The following FRY variants were observed in gnomAD, a reference collection of about 807,000 sequenced individuals.
FRY encodes protein furry homolog.
A neutral mutation model predicts 348.4 loss-of-function variants in FRY; 128 were observed. That is an observed-to-expected ratio of 0.37 (90% confidence interval 0.32 to 0.43). The LOEUF (loss-of-function observed/expected upper bound fraction) is 0.43. Ranked by LOEUF, FRY falls within the 20% of genes least tolerant of loss-of-function variation. FRY has a pLI of 1.00. For synonymous variants in FRY, 1,370 were observed against 1,374.7 expected, an observed-to-expected ratio of 1.00 and a Z score of 0.08; for missense variants, 2,736 against 3,695.2, an observed-to-expected ratio of 0.74 and a Z score of 6.73.
At chr13:32,186,171 G>A in intron 26 of FRY, 89 bp from the exon 27 acceptor site, 1 of 1,009,186 alleles carries the variant, frequency 9.9e-7, no homozygotes, top group Non-Finnish European at 1.6e-6. Context: ...AAATGAAGTG[G>A]TTCCTTTCCT....
chr13:32,092,016 A>G (rs1593602644), intron 2 of FRY, among the ~76,000 whole-genome samples: 1 of 152,222 alleles, frequency 6.6e-6, no homozygotes, highest in Non-Finnish European at 1.5e-5. Context: ...ATAATCTCAT[A>G]TTAACTCCAA....
At chr13:32,144,838 T>G (rs1466191148) in intron 11 of FRY, among the ~76,000 whole-genome samples, 1 of 152,198 alleles carries the variant, frequency 6.6e-6, no homozygotes, top group Non-Finnish European at 1.5e-5. Context: ...AACTGATGTT[T>G]AAACAAGATC....
chr13:32,238,113 T>C, intron 44 of FRY, 127 bp downstream of exon 44: 1 of 978,064 alleles, frequency 1.0e-6, no homozygotes, highest in East Asian at 2.5e-5. Context: ...TGGGAGTAGT[T>C]TATTTTTTCT....
In FRY at chr13:32,208,880, A is replaced by G; in HGVS notation, c.4046A>G (p.His1349Arg). The part of the protein sequence containing the change: ...SEVSQRFPTT[H>R]PNGRQIMLTY... ...GTAAGCCAGCGATTCCCCACAACACACCCCAACGGGCGCCAGATCATGCTT... is the reference window on the plus strand; with the variant it reads ...GTAAGCCAGCGATTCCCCACAACACGCCCCAACGGGCGCCAGATCATGCTT... Residue 1349 changes from histidine (H) to arginine (R), a missense_variant, in exon 32 of 61, where the codon CAC (histidine) becomes CGC (arginine). By Grantham distance (29) the His-to-Arg change is conservative. Around this residue, in one of 9 missense-constraint regions of FRY, gnomAD observed 794 missense variants for 977.0 expected, o/e 0.81. Transcript: ENST00000542859. 6.2e-7 allele frequency: 1 copy of G among 1,613,980 alleles called. No homozygotes were observed. The highest frequency in any genetic ancestry group is 8.5e-7 in the Non-Finnish European group (1 of 1,179,988).
Position 32,117,932 on chromosome 13 carries a change from T to C in FRY, c.464+459T>C, listed in dbSNP as rs527328959. 3.9e-5 allele frequency among the ~76,000 whole-genome samples: 6 copies of C among 152,294 alleles called. No individual in the cohort carries two copies. The South Asian group carries it at 1.2e-3, about 32-fold the overall frequency. ...GCTGCCACTATTTAGCCATGTGACT[T>C]TGGGCAGCTCCCCGCCTCTCTGTAC... On this transcript the variant is annotated intron_variant, in intron 4 of 60. Transcript: ENST00000542859.
intron 2 of FRY, among the ~76,000 whole-genome samples, chr13:32,093,411 C>G (rs1876468092): frequency 6.6e-6 from 1 of 152,144 alleles, no homozygotes; most frequent in East Asian, 1.9e-4. Context: ...TTTTTTTACC[C>G]TCTCAAAACT....
rs779097429 is a variant in FRY at position 32,155,475 on chromosome 13, A to C, written c.1480-16A>C. On this transcript the variant is annotated splice_polypyrimidine_tract_variant and intron_variant, in intron 14 of 60. Coordinates refer to ENST00000542859, the MANE Select transcript of FRY (RefSeq NM_023037.3). ...TTGGGCCTTTCCTTTTGTCATGACA[A>C]TATTGTCTCTTACAGAGAATGAACA... 1.2e-6 allele frequency: 2 copies of C among 1,600,060 alleles called. No individual in the cohort carries two copies. Among genetic ancestry groups the C allele is most frequent in the East Asian group, 4.5e-5 (2 of 44,816 alleles).
chr13:32,157,506 G>C (rs1183686226), intron 16 of FRY, 101 bp downstream of exon 16: 2 of 1,086,476 alleles, frequency 1.8e-6, no homozygotes, highest in Non-Finnish European at 2.7e-6. Flanking sequence ...TCTTCTTAGG[G>C]TTCTAAAAAG....
intron 49 of FRY, among the ~76,000 whole-genome samples, chr13:32,250,016 C>A (rs9567484): frequency 0.095 from 14,402 of 152,252 alleles, 907 homozygotes; most frequent in East Asian, 0.22. Flanking sequence ...CCAAACAACA[C>A]ATCCTTAGTT....
intron 53 of FRY, among the ~76,000 whole-genome samples, 174 bp downstream of exon 53, chr13:32,262,649 G>A (rs1211989787): frequency 6.6e-6 from 1 of 152,056 alleles, no homozygotes; most frequent in Non-Finnish European, 1.5e-5. Context: ...ATGTTTTGAA[G>A]TTGTTTTACC....
At position 32,070,555 on chromosome 13, in the gene FRY, TG is replaced by T. The variant is rs1439536206; in HGVS notation, c.71-8276del. 6.6e-3 allele frequency among the ~76,000 whole-genome samples: 689 copies of T among 104,908 alleles called. 7 individuals are homozygous for T. Among genetic ancestry groups the T allele is most frequent in the African/African-American group, 0.021 (644 of 31,148 alleles). The allele number at this position is 104,908 out of a possible 152,430, so 68.8% of individuals were successfully genotyped here. A position where few individuals can be genotyped will look rare whatever the true frequency, so the allele number is the denominator to read the frequency against. On this transcript the variant is annotated intron_variant, in intron 1 of 60. Coordinates refer to ENST00000542859, the MANE Select transcript of FRY (RefSeq NM_023037.3). Reference sequence around the variant, plus strand: ...TTCATATCCTTTGCCCATTTTTTGATGGGTTTTTTTTTTTTTTCTTGTAAGT... The same window carrying T: ...TTCATATCCTTTGCCCATTTTTTGATGGTTTTTTTTTTTTTTCTTGTAAGT...
intron 1 of FRY, among the ~76,000 whole-genome samples, chr13:32,044,783 C>T (rs780643568): frequency 8.5e-5 from 13 of 152,198 alleles, no homozygotes; most frequent in Non-Finnish European, 1.6e-4. Context: ...TTTTGCCACC[C>T]TGATAGACTT....
chr13:32,161,011 G>C, intron 16 of FRY, 133 bp from the exon 17 acceptor site: 1 of 689,276 alleles, frequency 1.5e-6, no homozygotes, highest in Non-Finnish European at 2.6e-6. Context: ...AAACATTTGA[G>C]AGTAATATGG....
chr13:32,278,734 G>A, intron 58 of FRY, 186 bp downstream of exon 58: 1 of 701,242 alleles, frequency 1.4e-6, no homozygotes, highest in Non-Finnish European at 2.6e-6. Flanking sequence ...GGGATTTGTG[G>A]GGAGGTTTCT....
intron 3 of FRY, among the ~76,000 whole-genome samples, chr13:32,103,575 G>A (rs1317847217): frequency 4.6e-5 from 7 of 152,156 alleles, no homozygotes; most frequent in Non-Finnish European, 8.8e-5. Flanking sequence ...GTTAATGGGT[G>A]CAGCACACCA....
At chr13:32,159,700 C>G (rs995945989) in intron 16 of FRY, among the ~76,000 whole-genome samples, 2 of 152,096 alleles carry the variant, frequency 1.3e-5, no homozygotes, top group African/African-American at 4.8e-5. Context: ...TCAGGCCAGG[C>G]AAGGTCATCC....
intron 16 of FRY, among the ~76,000 whole-genome samples, chr13:32,157,655 T>G (rs1369705250): frequency 6.6e-6 from 1 of 152,200 alleles, no homozygotes; most frequent in Admixed American, 6.5e-5. Flanking sequence ...CATGACCCAC[T>G]AGTCCATGTT....
intron 23 of FRY, among the ~76,000 whole-genome samples, chr13:32,180,070 G>C (rs997514249): frequency 6.6e-6 from 1 of 152,180 alleles, no homozygotes; most frequent in African/African-American, 2.4e-5. Context: ...TAAAAATGAA[G>C]ATAGTTCAGT....
Position 32,079,029 on chromosome 13 carries a change from C to G in FRY, c.266C>G (p.Pro89Arg). Residue 89 changes from proline (P) to arginine (R), a missense_variant, in exon 2 of 61, where the codon CCC becomes CGC. Pro to Arg is a moderately radical substitution (Grantham distance 103). Coordinates refer to ENST00000542859, the MANE Select transcript of FRY (RefSeq NM_023037.3). Reference sequence around the variant, plus strand: ...AAGATTCGTATCATTATGGCAGAGCCCCTGGTGAGTACATGCCGTGGAAAC... The same window carrying G: ...AAGATTCGTATCATTATGGCAGAGCGCCTGGTGAGTACATGCCGTGGAAAC... The part of the protein sequence containing the change: ...ERKIRIIMAE[P>R]LEKPLTKSLQ... 6.2e-7 allele frequency: 1 copy of G among 1,609,510 alleles called. No individual in the cohort carries two copies. Among genetic ancestry groups the G allele is most frequent in the Non-Finnish European group, 8.5e-7 (1 of 1,175,878 alleles).
Sources: gnomAD v4.1 joint callset for allele counts (sites outside exome capture counted in the v4.1 genomes callset) on GRCh38, gnomAD v4.1.1 for gene constraint, gnomAD v4.1.1 regional missense constraint, MANE v1.5 for transcripts, NCBI Gene and HGNC (gene_info 2026-07-23, HGNC 2026-07-21) for gene names.